Variants in EYS observed in about 807,000 individuals in gnomAD.
The protein encoded by EYS is protein eyes shut homolog.
Under a neutral mutation model 282.1 loss-of-function variants are expected in EYS, and 250 were observed. That is an observed-to-expected ratio of 0.89 (90% CI 0.80 to 0.98). The LOEUF is 0.98. Among genes scored for constraint, EYS ranks in the 50% least tolerant of loss-of-function variants. The pLI, the probability that EYS is intolerant of heterozygous loss-of-function variation, is 0.00. For missense variants in EYS, 4,016 were observed against 3,709.0 expected (o/e 1.08, Z -2.15); for synonymous variants, 1,355 against 1,282.9 (o/e 1.06, Z -1.20).
chr6:63,879,234 T>G (rs915918179), intron 35 of EYS, among the ~76,000 whole-genome samples: 4 of 152,218 alleles, frequency 2.6e-5, no homozygotes, highest in Non-Finnish European at 5.9e-5. Flanking sequence ...AGTTCATTTA[T>G]AGGCATATAT....
At chr6:63,962,833 A>C (rs921731959) in intron 35 of EYS, among the ~76,000 whole-genome samples, 2 of 152,164 alleles carry the variant, frequency 1.3e-5, no homozygotes, top group African/African-American at 4.8e-5. Flanking sequence ...GGCACTATTC[A>C]CGATAGCAAA....
rs142823590 is a variant in EYS, at chr6:64,298,437, G to A, written c.6191+8533C>T. On this transcript the variant is annotated intron_variant, in intron 30 of 42. Transcript: ENST00000503581. ...AATCAAAAGGAGTGGGAACAGAGCTGTTAAAGGAGTAGAGTTTTTCTTGTT... is the reference window on the plus strand; with the variant it reads ...AATCAAAAGGAGTGGGAACAGAGCTATTAAAGGAGTAGAGTTTTTCTTGTT... 3.1e-3 allele frequency among the ~76,000 whole-genome samples: 470 copies of A among 152,270 alleles called. 2 individuals are homozygous for A. Among genetic ancestry groups the A allele is most frequent in the African/African-American group, 0.011 (437 of 41,562 alleles).
At chr6:63,839,542 T>A (rs939751173) in intron 36 of EYS, among the ~76,000 whole-genome samples, 2 of 152,192 alleles carry the variant, frequency 1.3e-5, no homozygotes, top group Non-Finnish European at 2.9e-5. Flanking sequence ...AGAAACAGGG[T>A]CTCACTATAT....
chr6:63,943,544 A>C (rs1163077235), intron 35 of EYS, among the ~76,000 whole-genome samples: 2 of 152,244 alleles, frequency 1.3e-5, no homozygotes, highest in East Asian at 3.8e-4. Context: ...TTTTCTTGAT[A>C]AGAAGATATG....
chr6:64,438,842 C>A (rs959830664), intron 27 of EYS, among the ~76,000 whole-genome samples: 3 of 151,496 alleles, frequency 2.0e-5, no homozygotes, highest in African/African-American at 4.8e-5. Context: ...AAAATAGAGA[C>A]CTTTTGAGCA....
chr6:64,509,791 C>T (rs373962620), intron 26 of EYS, among the ~76,000 whole-genome samples: 7 of 152,118 alleles, frequency 4.6e-5, no homozygotes, highest in South Asian at 2.1e-4. Flanking sequence ...TTTTCAATAG[C>T]GTGCAGTATA....
chr6:65,216,138 T>G (rs1408669221), intron 12 of EYS, among the ~76,000 whole-genome samples: 1 of 152,132 alleles, frequency 6.6e-6, no homozygotes, highest in Non-Finnish European at 1.5e-5. Context: ...GTGGCAAATG[T>G]TCACAGTTCT....
At chr6:65,122,553 T>C (rs182841914) in intron 12 of EYS, among the ~76,000 whole-genome samples, 26 of 152,084 alleles carry the variant, frequency 1.7e-4, no homozygotes, top group African/African-American at 5.5e-4. Context: ...CTGTTTATCA[T>C]AGGAAAAAAA....
At chr6:65,187,199 T>G (rs945892672) in intron 12 of EYS, among the ~76,000 whole-genome samples, 1 of 151,770 alleles carries the variant, frequency 6.6e-6, no homozygotes, top group African/African-American at 2.4e-5. Flanking sequence ...CAAATAGAAC[T>G]TATGTGATTT....
chr6:64,329,855 G>A (rs1490051116), intron 29 of EYS, among the ~76,000 whole-genome samples: 2 of 152,126 alleles, frequency 1.3e-5, no homozygotes, highest in Admixed American at 1.3e-4. Flanking sequence ...CATATACAAT[G>A]CTTGGGCGAA....
intron 2 of EYS, among the ~76,000 whole-genome samples, chr6:65,635,592 G>A (rs1413877022): frequency 6.6e-6 from 1 of 152,058 alleles, no homozygotes; most frequent in African/African-American, 2.4e-5. Context: ...AGGATTACAG[G>A]CACGAGCCAC....
chr6:64,863,832 C>T (rs1312509680), intron 19 of EYS, among the ~76,000 whole-genome samples: 1 of 152,090 alleles, frequency 6.6e-6, no homozygotes, highest in African/African-American at 2.4e-5. Flanking sequence ...ATCTAGGGCT[C>T]GTGCATATTT....
chr6:64,372,672 G>A (rs1168974365), intron 29 of EYS, among the ~76,000 whole-genome samples: 2 of 152,096 alleles, frequency 1.3e-5, no homozygotes, highest in African/African-American at 4.8e-5. Context: ...CTCTTTTGCA[G>A]GGACACAAAT....
rs547774792 is a variant in EYS, at chr6:64,574,817, C to T, written c.5644+15406G>A. Among the ~76,000 whole-genome samples, 8 of 152,152 alleles carry T rather than the reference C, an allele frequency of 5.3e-5. No individual in the cohort carries two copies. In the East Asian group the frequency reaches 1.4e-3, roughly 26 times the overall value. On this transcript the variant is annotated intron_variant, in intron 26 of 42. Transcript: ENST00000503581. ...TTACAGCCCCTGTTGGTTTTAAAAA[C>T]GAAGTGTTTTTCAAGTATACACAAT...
intron 12 of EYS, among the ~76,000 whole-genome samples, chr6:65,235,444 G>A (rs17641093): frequency 0.042 from 6,403 of 152,186 alleles, 184 homozygotes; most frequent in Middle Eastern, 0.065. Flanking sequence ...TATAACAAAA[G>A]TAGTTGGTAT....
intron 28 of EYS, among the ~76,000 whole-genome samples, chr6:64,420,616 T>C (rs1774200342): frequency 6.6e-6 from 1 of 152,218 alleles, no homozygotes; most frequent in Admixed American, 6.5e-5. Context: ...GGCTGCATCA[T>C]CAGGCTGCAA....
chr6:65,359,918 T>C (rs993668212), intron 8 of EYS, among the ~76,000 whole-genome samples: 12 of 151,960 alleles, frequency 7.9e-5, no homozygotes, highest in Non-Finnish European at 1.8e-4. Context: ...AATTATAGAA[T>C]TTTTTTCAAC....
Position 65,518,916 on chromosome 6 carries a change from G to T in EYS, c.-332-22923C>A, listed in dbSNP as rs556544072. 1.0e-3 allele frequency among the ~76,000 whole-genome samples: 152 copies of T among 152,092 alleles called. 1 individual carries two copies. The highest frequency in any genetic ancestry group is 3.5e-3 in the African/African-American group (147 of 41,484). On this transcript the variant is annotated intron_variant, in intron 2 of 42. Transcript: ENST00000503581. ...CCATAATTCAATTACCTCCCACCAG[G>T]TCTCTCCCATGACACGTGGAAATTA...
chr6:65,078,543 T>C (rs761704324), intron 12 of EYS, among the ~76,000 whole-genome samples: 1 of 152,028 alleles, frequency 6.6e-6, no homozygotes, highest in African/African-American at 2.4e-5. Flanking sequence ...CCACTGAAGG[T>C]ATTCATATGT....
Sources: allele counts gnomAD v4.1 joint callset (sites outside exome capture counted in the v4.1 genomes callset), GRCh38; gene constraint gnomAD v4.1.1; transcripts MANE v1.5; gene names NCBI Gene and HGNC (gene_info 2026-07-23, HGNC 2026-07-21).